Variants in ROBO2 observed in about 807,000 individuals in gnomAD.
ROBO2 encodes the protein roundabout guidance receptor 2, also known as roundabout homolog 2.
ROBO2 carries 53 observed loss-of-function variants against 160.8 expected under a neutral mutation model. The ratio of observed to expected loss-of-function variants is 0.33; its 90% CI spans 0.26 to 0.41. The LOEUF (loss-of-function observed/expected upper bound fraction) is 0.41, where lower values mean the gene tolerates loss of function less well. Among genes scored for constraint, ROBO2 ranks in the 10% least tolerant of loss-of-function variants. ROBO2 has a pLI of 1.00. For synonymous variants in ROBO2, 664 were observed against 611.7 expected (o/e 1.09, Z -1.26); for missense variants, 1,577 against 1,722.4 (o/e 0.92, Z 1.49).
At chr3:77,016,320 A>T (rs2149485917) in intron 2 of ROBO2, among the ~76,000 whole-genome samples, 1 of 151,596 alleles carries the variant, frequency 6.6e-6, no homozygotes, top group Admixed American at 6.6e-5. Flanking sequence ...TTTGCACTTG[A>T]ATTAGTTTTG....
At chr3:77,134,316 A>G (rs1385569059) in intron 2 of ROBO2, among the ~76,000 whole-genome samples, 1 of 152,262 alleles carries the variant, frequency 6.6e-6, no homozygotes, top group South Asian at 2.1e-4. Context: ...ATTAAAAAAT[A>G]TACCACACAT....
At chr3:76,133,959 A>C (rs2071331802) in intron 2 of ROBO2, among the ~76,000 whole-genome samples, 1 of 152,134 alleles carries the variant, frequency 6.6e-6, no homozygotes, top group African/African-American at 2.4e-5. Context: ...ACTCAATATT[A>C]GCCATCACAA....
Position 76,652,944 on chromosome 3 carries a change from T to C in ROBO2, c.110-445070T>C, listed in dbSNP as rs932861368. ...ATGGGACCTATAAGTAGTTGCTTTT[T>C]AACTATCATGTTGACTAAAATATAT... is the stretch of plus-strand genomic sequence containing the variant. On this transcript the variant is annotated intron_variant, in intron 2 of 26. Transcript: ENST00000487694. Among the ~76,000 whole-genome samples, 6 of 152,310 alleles carry C rather than the reference T, an allele frequency of 3.9e-5. No individual in the cohort carries two copies. The East Asian group carries it at 9.6e-4, about 24-fold the overall frequency.
At chr3:76,733,765 C>T (rs1245471366) in intron 2 of ROBO2, among the ~76,000 whole-genome samples, 1 of 152,128 alleles carries the variant, frequency 6.6e-6, no homozygotes, top group African/African-American at 2.4e-5. Context: ...TGTTTGTCCA[C>T]TGTCTTAGTC....
At chr3:76,898,808 T>C (rs534830830) in intron 2 of ROBO2, among the ~76,000 whole-genome samples, 38 of 152,290 alleles carry the variant, frequency 2.5e-4, no homozygotes, top group African/African-American at 8.9e-4. Context: ...TCATCTCAAG[T>C]TCTTAAATAA....
chr3:77,006,009 T>C (rs1167751297), intron 2 of ROBO2, among the ~76,000 whole-genome samples: 1 of 151,998 alleles, frequency 6.6e-6, no homozygotes, highest in Non-Finnish European at 1.5e-5. Flanking sequence ...AAAATCAAGT[T>C]AGTCTTATTT....
intron 2 of ROBO2, among the ~76,000 whole-genome samples, chr3:77,163,810 CT>C (rs1173070266): frequency 6.6e-6 from 1 of 152,092 alleles, no homozygotes; most frequent in African/African-American, 2.4e-5. Flanking sequence ...CTTACTGTTA[CT>C]TTTTTTAAAA....
intron 2 of ROBO2, among the ~76,000 whole-genome samples, chr3:76,587,570 T>C (rs1375251624): frequency 6.6e-6 from 1 of 152,104 alleles, no homozygotes; most frequent in East Asian, 1.9e-4. Context: ...TCAATCATTA[T>C]CACGAGAACA....
intron 2 of ROBO2, among the ~76,000 whole-genome samples, chr3:76,133,698 T>A (rs901436156): frequency 7.2e-5 from 11 of 152,140 alleles, no homozygotes; most frequent in African/African-American, 2.2e-4. Context: ...TGGAGTCTGA[T>A]GTTCGAAGGC....
At chr3:76,730,979 CCCG>C (rs2093629114) in intron 2 of ROBO2, among the ~76,000 whole-genome samples, 3 of 85,318 alleles carry the variant, frequency 3.5e-5, no homozygotes, top group Non-Finnish European at 7.4e-5. Context: ...CTACTCCCTA[CCCG>C]CTTGTCCTCA....
intron 1 of ROBO2, among the ~76,000 whole-genome samples, chr3:77,096,334 T>C (rs1357534242): frequency 6.6e-6 from 1 of 152,178 alleles, no homozygotes; most frequent in East Asian, 1.9e-4. Flanking sequence ...AACATTTTCA[T>C]GAATAATGGT....
chr3:76,566,058 A>G (rs1051720654), intron 2 of ROBO2, among the ~76,000 whole-genome samples: 1 of 152,144 alleles, frequency 6.6e-6, no homozygotes, highest in Non-Finnish European at 1.5e-5. Flanking sequence ...TCTTCTCCAG[A>G]ACACATAGCT....
At chr3:76,250,038 A>G (rs1705891864) in intron 2 of ROBO2, among the ~76,000 whole-genome samples, 1 of 152,092 alleles carries the variant, frequency 6.6e-6, no homozygotes, top group African/African-American at 2.4e-5. Flanking sequence ...GTACTCTTAC[A>G]TTGTGGAGGG....
chr3:76,895,859 G>C (rs762780709), intron 2 of ROBO2, among the ~76,000 whole-genome samples: 2 of 152,124 alleles, frequency 1.3e-5, no homozygotes, highest in East Asian at 3.9e-4. Flanking sequence ...TCCCAAGAAT[G>C]TCCTTTGTAT....
intron 2 of ROBO2, among the ~76,000 whole-genome samples, chr3:76,618,078 A>G (rs1027882705): frequency 6.6e-6 from 1 of 151,576 alleles, no homozygotes; most frequent in Non-Finnish European, 1.5e-5. Flanking sequence ...TCCTAGAAGA[A>G]TAATTATACT....
At chr3:77,384,703 C>A (rs1043254179) in intron 2 of ROBO2, among the ~76,000 whole-genome samples, 1 of 152,068 alleles carries the variant, frequency 6.6e-6, no homozygotes, top group African/African-American at 2.4e-5. Flanking sequence ...AGATATAGAC[C>A]TTTTTAAAAC....
At chr3:77,545,226 T>G (rs2092653576) in intron 6 of ROBO2, among the ~76,000 whole-genome samples, 1 of 152,120 alleles carries the variant, frequency 6.6e-6, no homozygotes, top group Non-Finnish European at 1.5e-5. Flanking sequence ...TCAGTTTGAC[T>G]TCTGAAACCC....
intron 5 of ROBO2, among the ~76,000 whole-genome samples, chr3:77,519,114 T>A (rs868261699): frequency 6.6e-6 from 1 of 151,574 alleles, no homozygotes; most frequent in South Asian, 2.1e-4. Context: ...TCTTCCCAAG[T>A]AATATTTAAT....
chr3:76,327,039 T>TA (rs1228514362), intron 2 of ROBO2, among the ~76,000 whole-genome samples: 1 of 152,120 alleles, frequency 6.6e-6, no homozygotes, highest in African/African-American at 2.4e-5. Context: ...TCTTTGAGTA[T>TA]AAATCTGATT....
Sources: gnomAD v4.1 joint callset for allele counts (sites outside exome capture counted in the v4.1 genomes callset) on GRCh38, gnomAD v4.1.1 for gene constraint, MANE v1.5 for transcripts, NCBI Gene and HGNC (gene_info 2026-07-23, HGNC 2026-07-21) for gene names.